EHMT1: variants seen among roughly 807,000 people sequenced by gnomAD.
EHMT1 encodes the protein euchromatic histone lysine methyltransferase 1.
Under a neutral mutation model 147.2 loss-of-function variants are expected in EHMT1, and 15 were observed. The ratio of observed to expected loss-of-function variants is 0.10; its 90% CI spans 0.07 to 0.16. EHMT1 has a LOEUF of 0.16. Ranked by LOEUF, EHMT1 falls within the 10% of genes least tolerant of loss-of-function variation. The pLI, the probability that EHMT1 is intolerant of heterozygous loss-of-function variation, is 1.00. For missense variants in EHMT1, 1,587 were observed against 1,772.4 expected (o/e 0.90, Z 1.88); for synonymous variants, 795 against 709.6 (o/e 1.12, Z -1.91).
chr9:137,777,809 C>T, intron 12 of EHMT1, 73 bp from the exon 13 acceptor site: 1 of 1,594,574 alleles, frequency 6.3e-7, no homozygotes, highest in Non-Finnish European at 8.5e-7. Flanking sequence ...AAACAGCGCT[C>T]TCGGGCAGTC....
At chr9:137,633,238 T>G (rs575206386) in intron 1 of EHMT1, among the ~76,000 whole-genome samples, 1 of 152,232 alleles carries the variant, frequency 6.6e-6, no homozygotes, top group East Asian at 1.9e-4. Flanking sequence ...TGGATAGTAT[T>G]TCAGACTCAT....
chr9:137,687,349 A>G (rs1055561810), intron 1 of EHMT1, among the ~76,000 whole-genome samples: 1 of 152,190 alleles, frequency 6.6e-6, no homozygotes, highest in Non-Finnish European at 1.5e-5. Context: ...ATTTTCTGCA[A>G]CAATAACAGC....
At chr9:137,819,615 T>C (rs373613073) in intron 25 of EHMT1, among the ~76,000 whole-genome samples, 656 of 57,180 alleles carry the variant, frequency 0.011, 82 homozygotes, top group African/African-American at 0.022. Context: ...GAGAGGCCGA[T>C]TGAGGGGCGC....
In EHMT1 at chr9:137,787,334, T is replaced by C. The variant is rs1952060428; in HGVS notation, c.2383-3514T>C. 1 of 159,074 alleles carries C rather than the reference T, an allele frequency of 6.3e-6. No homozygotes were observed. The highest frequency in any genetic ancestry group is 1.4e-5 in the Non-Finnish European group (1 of 72,558). The allele number at this position is 159,074 out of a possible 1,614,324, so 9.9% of individuals were successfully genotyped here. A position where few individuals can be genotyped will look rare whatever the true frequency, so the allele number is the denominator to read the frequency against. ...AAAAGGTACTACCTCCTTCCCAGGCTGCATCTGCCATTCGGTGACGGCTGG... is the reference window on the plus strand; with the variant it reads ...AAAAGGTACTACCTCCTTCCCAGGCCGCATCTGCCATTCGGTGACGGCTGG... On this transcript the variant is annotated intron_variant, in intron 15 of 26. Transcript: ENST00000460843. The surrounding 1 kb of genome is among the most constrained non-coding windows in gnomAD (Gnocchi z 4.2).
At chr9:137,646,109 C>T (rs1299044528) in intron 1 of EHMT1, among the ~76,000 whole-genome samples, 1 of 152,106 alleles carries the variant, frequency 6.6e-6, no homozygotes, top group Non-Finnish European at 1.5e-5. Context: ...CAGGTGCCCA[C>T]CACCACACCC....
intron 3 of EHMT1, among the ~76,000 whole-genome samples, chr9:137,723,215 G>A (rs1379221872): frequency 1.2e-5 from 1 of 82,526 alleles, no homozygotes; most frequent in East Asian, 3.9e-4. Flanking sequence ...GCCTGAGCCC[G>A]GGGTGTGCCT....
intron 3 of EHMT1, among the ~76,000 whole-genome samples, chr9:137,725,921 G>A (rs1037409595): frequency 1.7e-4 from 26 of 152,108 alleles, no homozygotes; most frequent in African/African-American, 5.8e-4. Context: ...CTCTCGCTCT[G>A]CCTCCCTGCC....
At chr9:137,643,405 A>G (rs1188965232) in intron 1 of EHMT1, among the ~76,000 whole-genome samples, 1 of 135,660 alleles carries the variant, frequency 7.4e-6, no homozygotes, top group Non-Finnish European at 1.5e-5. Context: ...CAGTGGTGCC[A>G]TCTCGGCTCA....
rs542021366 is a variant in EHMT1 at position 137,757,996 on chromosome 9, T to C, written c.1486T>C (p.Ser496Pro). ...GGATCTCCGAGTCAAAGGAATTCTG[T>C]CTTCACAAGCAGAAGGTGAATGTGG... Reference protein sequence around the residue: ...SLDLRVKGILSSQAEGLANGP... With the variant: ...SLDLRVKGILPSQAEGLANGP... Residue 496 changes from serine (S) to proline (P), a missense_variant, in exon 9 of 27, where the codon TCT becomes CCT. Transcript: ENST00000460843. 4.3e-6 allele frequency: 7 copies of C among 1,614,132 alleles called. No individual in the cohort carries two copies. The East Asian group carries it at 6.7e-5, about 15-fold the overall frequency.
At chr9:137,718,005 G>T (rs1945518545) in intron 3 of EHMT1, among the ~76,000 whole-genome samples, 2 of 152,304 alleles carry the variant, frequency 1.3e-5, no homozygotes, top group South Asian at 2.1e-4. Context: ...CACACACAGG[G>T]CGCGCCCACC....
rs1564749027 is a variant in EHMT1 at position 137,781,266 on chromosome 9, GGACGTGTGGTGATGACGCTGA to G, written c.2276-1022_2276-1002del. Reference sequence around the variant, plus strand: ...GCTGGGACGTGTGGTGACGACGCTGGGACGTGTGGTGATGACGCTGAGATGTGTGGTGATGACGGCATCACT... The same window carrying G: ...GCTGGGACGTGTGGTGACGACGCTGGGATGTGTGGTGATGACGGCATCACT... On this transcript the variant is annotated intron_variant, in intron 14 of 26. Coordinates refer to ENST00000460843, the MANE Select transcript of EHMT1 (RefSeq NM_024757.5). Among the ~76,000 whole-genome samples the G allele has an allele frequency of 2.2e-4, 10 of 45,228 alleles. No homozygotes were observed. In the South Asian group the frequency reaches 3.2e-3, roughly 14 times the overall value. The allele number at this position is 45,228 out of a possible 152,430, so 29.7% of individuals were successfully genotyped here. A position where few individuals can be genotyped will look rare whatever the true frequency, so the allele number is the denominator to read the frequency against.
chr9:137,634,134 C>G (rs930597638), intron 1 of EHMT1, among the ~76,000 whole-genome samples: 2 of 152,080 alleles, frequency 1.3e-5, no homozygotes, highest in Admixed American at 1.3e-4. Flanking sequence ...TTCTTGATGC[C>G]TTCCTTTGAA....
chr9:137,644,450 G>T (rs1343905273), intron 1 of EHMT1, among the ~76,000 whole-genome samples: 1 of 151,258 alleles, frequency 6.6e-6, no homozygotes, highest in Non-Finnish European at 1.5e-5. Flanking sequence ...TCAGCCTCCC[G>T]AGCAGCTGGG....
chr9:137,694,903 A>G (rs2135002844), intron 1 of EHMT1, among the ~76,000 whole-genome samples: 1 of 152,290 alleles, frequency 6.6e-6, no homozygotes, highest in Middle Eastern at 3.4e-3. Context: ...TGGTAGATAA[A>G]CTAGAGCATC....
intron 9 of EHMT1, among the ~76,000 whole-genome samples, chr9:137,761,993 G>C (rs1430068806): frequency 6.6e-6 from 1 of 152,220 alleles, no homozygotes; most frequent in East Asian, 1.9e-4. Flanking sequence ...CCCATCCGGG[G>C]CTGGGGCAGG....
intron 3 of EHMT1, among the ~76,000 whole-genome samples, chr9:137,722,743 G>A (rs948809672): frequency 6.6e-6 from 1 of 152,018 alleles, no homozygotes; most frequent in African/African-American, 2.4e-5. Context: ...AGACTGTGGC[G>A]GTAGGGTGCC....
chr9:137,646,972 C>T (rs112343878), intron 1 of EHMT1, among the ~76,000 whole-genome samples: 1 of 152,144 alleles, frequency 6.6e-6, no homozygotes, highest in Non-Finnish European at 1.5e-5. Context: ...TTGACCTAGA[C>T]ATTGTCATTG....
rs757416132 is a variant in EHMT1, at chr9:137,777,889, G to A, written c.2026G>A (p.Gly676Arg). 2.4e-5 allele frequency: 38 copies of A among 1,612,958 alleles called. No homozygotes were observed. The highest frequency in any genetic ancestry group is 3.0e-5 in the Non-Finnish European group (35 of 1,180,010). ...CGATTTCCTCCCCTGAAGTGCTGCC[G>A]GGCCACCACTCTCGGAGGACGACAA... Reference protein sequence around the residue: ...RADTTTGSAAGPPLSEDDKLQ... With the variant: ...RADTTTGSAARPPLSEDDKLQ... Residue 676 changes from glycine to arginine, a missense_variant, in exon 13 of 27, where the codon GGG (glycine) becomes AGG (arginine). Around this residue, in one of 7 missense-constraint regions of EHMT1, gnomAD observed 77 missense variants for 79.3 expected, o/e 0.97. Coordinates refer to ENST00000460843, the MANE Select transcript of EHMT1 (RefSeq NM_024757.5).
chr9:137,645,863 ACT>A (rs1375848618), intron 1 of EHMT1, among the ~76,000 whole-genome samples: 7 of 151,682 alleles, frequency 4.6e-5, no homozygotes, highest in Non-Finnish European at 1.0e-4. Flanking sequence ...GATAGTTCAC[ACT>A]CTTTTGGTAC....
Sources: allele counts gnomAD v4.1 joint callset (sites outside exome capture counted in the v4.1 genomes callset), GRCh38; gene constraint gnomAD v4.1.1; regional missense constraint gnomAD v4.1.1; non-coding constraint Gnocchi (gnomAD v3.1); transcripts MANE v1.5; gene names NCBI Gene and HGNC (gene_info 2026-07-23, HGNC 2026-07-21).